ACYP2: variants seen among roughly 807,000 people sequenced by gnomAD.
ACYP2 encodes acylphosphatase 2.
ACYP2 carries 12 observed loss-of-function variants against 11.2 expected under a neutral mutation model. The observed-to-expected ratio is 1.08, with a 90% CI of 0.69 to 1.74. The LOEUF (loss-of-function observed/expected upper bound fraction) is 1.74, where lower values mean the gene tolerates loss of function less well. Among genes scored for constraint, ACYP2 ranks in the 40% most tolerant of loss-of-function variants. ACYP2 has a pLI of 0.00. For missense variants in ACYP2, 134 were observed against 101.9 expected (o/e 1.31, Z -1.35); for synonymous variants, 43 against 32.2 (o/e 1.33, Z -1.13).
At chr2:54,204,430 G>C (rs534267701) in intron 6 of ACYP2, among the ~76,000 whole-genome samples, 230 of 151,988 alleles carry the variant, frequency 1.5e-3, no homozygotes, top group Non-Finnish European at 2.9e-3. Flanking sequence ...GACACCCCTG[G>C]ATTATATCTT....
chr2:54,246,783 A>G (rs1686975217), intron 6 of ACYP2, among the ~76,000 whole-genome samples: 1 of 152,100 alleles, frequency 6.6e-6, no homozygotes, highest in Non-Finnish European at 1.5e-5. Context: ...TCCTGAATTG[A>G]GTGGGAATAC....
intron 4 of ACYP2, chr2:54,115,642 G>T: frequency 3.2e-6 from 5 of 1,584,768 alleles, no homozygotes; most frequent in Non-Finnish European, 4.3e-6. Flanking sequence ...CGCAGCCGCC[G>T]CAGTCGCTGC....
At chr2:54,253,840 G>C (rs1162759046) in intron 6 of ACYP2, 3 of 152,266 alleles carry the variant, frequency 2.0e-5, no homozygotes, top group Non-Finnish European at 4.4e-5. Context: ...GGCAATAAGA[G>C]GTCTGGCAGT....
chr2:54,068,255 G>A (rs921287240), intron 4 of ACYP2, among the ~76,000 whole-genome samples: 12 of 152,108 alleles, frequency 7.9e-5, no homozygotes, highest in East Asian at 1.9e-4. Flanking sequence ...TTTGTTGTAC[G>A]CACTCTTTAG....
At chr2:54,017,315 G>A (rs1439637302) in intron 2 of ACYP2, among the ~76,000 whole-genome samples, 1 of 144,846 alleles carries the variant, frequency 6.9e-6, no homozygotes, top group Non-Finnish European at 1.5e-5. Flanking sequence ...CTGTGCAGTG[G>A]CACCATCTCA....
chr2:54,096,673 A>G (rs1320086319), intron 4 of ACYP2, among the ~76,000 whole-genome samples: 2 of 152,174 alleles, frequency 1.3e-5, no homozygotes, highest in African/African-American at 2.4e-5. Flanking sequence ...TCCACCAAAA[A>G]AATACGAAAA....
chr2:54,021,995 A>G (rs920583593), intron 2 of ACYP2, among the ~76,000 whole-genome samples: 3 of 152,178 alleles, frequency 2.0e-5, no homozygotes, highest in African/African-American at 7.2e-5. Flanking sequence ...AATGACCCCT[A>G]GAGAAATCCC....
chr2:54,135,880 G>A (rs1307235901), intron 5 of ACYP2, among the ~76,000 whole-genome samples: 3 of 152,108 alleles, frequency 2.0e-5, no homozygotes, highest in Admixed American at 1.3e-4. Flanking sequence ...CAGATTAAGC[G>A]CCACGTCGTG....
chr2:54,301,865 G>C (rs1274453580), intron 6 of ACYP2, among the ~76,000 whole-genome samples: 2 of 152,156 alleles, frequency 1.3e-5, no homozygotes, highest in African/African-American at 2.4e-5. Context: ...CAAGTGACAG[G>C]TGACCAGAAC....
chr2:54,127,525 A>G (rs1323955165), intron 4 of ACYP2, among the ~76,000 whole-genome samples: 1 of 152,064 alleles, frequency 6.6e-6, no homozygotes, highest in Non-Finnish European at 1.5e-5. Context: ...AGGTCAGGAG[A>G]TTGAGACCAT....
chr2:53,973,158 A>C lies in ACYP2; in HGVS notation c.-36-555A>C, dbSNP rs145256104. 4.5e-3 allele frequency among the ~76,000 whole-genome samples: 689 copies of C among 152,356 alleles called. 9 individuals carry two copies. Among genetic ancestry groups the C allele is most frequent in the African/African-American group, 0.016 (659 of 41,570 alleles). ...GGTAGCTAACAGGTCAAATGAAGTG[A>C]AACCTGAAAGGGTTTATTGGATAGT... On this transcript the variant is annotated intron_variant, in intron 1 of 6. Coordinates refer to ENST00000607452, the MANE Select transcript of ACYP2 (RefSeq NM_001320586.2).
chr2:53,972,876 A>G (rs906273780), intron 1 of ACYP2, among the ~76,000 whole-genome samples: 10 of 152,232 alleles, frequency 6.6e-5, no homozygotes, highest in East Asian at 3.8e-4. Flanking sequence ...CAGAATGCCT[A>G]TGGGATGGGT....
chr2:54,065,365 G>T (rs961258204), intron 4 of ACYP2: 2 of 396,466 alleles, frequency 5.0e-6, no homozygotes, highest in Non-Finnish European at 8.9e-6. Context: ...TAATTTAATG[G>T]CTGATCAAAA....
At chr2:54,033,611 G>C (rs938312564) in intron 2 of ACYP2, among the ~76,000 whole-genome samples, 2 of 152,190 alleles carry the variant, frequency 1.3e-5, no homozygotes, top group African/African-American at 4.8e-5. Context: ...AGAAACACTG[G>C]TGTAGACCAT....
intron 6 of ACYP2, among the ~76,000 whole-genome samples, chr2:54,152,575 T>G (rs1483090065): frequency 6.6e-6 from 1 of 152,222 alleles, no homozygotes; most frequent in Non-Finnish European, 1.5e-5. Context: ...CTCTAGCCCC[T>G]GACAACCACT....
At chr2:53,980,801 G>A (rs1365098419) in intron 2 of ACYP2, among the ~76,000 whole-genome samples, 3 of 151,834 alleles carry the variant, frequency 2.0e-5, no homozygotes, top group African/African-American at 7.3e-5. Context: ...GCCCAGGTTG[G>A]AGTGCAATGG....
chr2:54,077,991 A>G (rs1356478674), intron 4 of ACYP2, among the ~76,000 whole-genome samples: 1 of 147,784 alleles, frequency 6.8e-6, no homozygotes, highest in Admixed American at 6.8e-5. Flanking sequence ...TTTTTTCAAG[A>G]TGGAGTCTCG....
At chr2:54,135,772 G>T (rs1681191697) in intron 5 of ACYP2, among the ~76,000 whole-genome samples, 2 of 152,200 alleles carry the variant, frequency 1.3e-5, no homozygotes, top group African/African-American at 2.4e-5. Flanking sequence ...CTTTCTACAT[G>T]TTCTGGATGG....
chr2:54,199,709 T>G (rs1200471882), intron 6 of ACYP2, among the ~76,000 whole-genome samples: 1 of 152,220 alleles, frequency 6.6e-6, no homozygotes, highest in Non-Finnish European at 1.5e-5. Context: ...ATTTTTGAAG[T>G]GAGGGAAATA....
Sources: allele counts gnomAD v4.1 joint callset (sites outside exome capture counted in the v4.1 genomes callset), GRCh38; gene constraint gnomAD v4.1.1; transcripts MANE v1.5; gene names NCBI Gene and HGNC (gene_info 2026-07-23, HGNC 2026-07-21).